Variants in RXRB observed in about 807,000 individuals in gnomAD.
RXRB encodes the protein retinoic acid receptor RXR-beta.
Under a neutral mutation model 52.5 loss-of-function variants are expected in RXRB, and 18 were observed. The observed-to-expected ratio is 0.34, with a 90% CI of 0.24 to 0.51. The LOEUF (loss-of-function observed/expected upper bound fraction) is 0.51, where lower values mean the gene tolerates loss of function less well. Among genes scored for constraint, RXRB ranks in the 20% least tolerant of loss-of-function variants. The pLI is 0.97. For synonymous variants in RXRB, 233 were observed against 267.1 expected (o/e 0.87, Z 1.25); for missense variants, 455 against 698.2 (o/e 0.65, Z 3.92).
In RXRB at chr6:33,200,248, C is replaced by A; in HGVS notation, c.229G>T (p.Gly77Trp). ...EAGRDGMGDS[G>W]RDSRSPDSSS... is the part of the protein sequence containing the mutation. ...CTTCTGCTGGGGCACTCACCCCGCCCGCTGTCGCCCATCCCGTCCCGTCCA... is the reference window on the plus strand; with the variant it reads ...CTTCTGCTGGGGCACTCACCCCGCCAGCTGTCGCCCATCCCGTCCCGTCCA... Residue 77 changes from glycine to tryptophan, a missense_variant, in exon 1 of 10, where the codon GGG becomes TGG. This residue lies in a region of RXRB where 225 missense variants were observed against 258.6 expected (regional missense o/e 0.87). Transcript: ENST00000374680. The surrounding 1 kb of genome is among the most constrained non-coding windows in gnomAD (Gnocchi z 6.3). 6.2e-7 allele frequency: 1 copy of A among 1,606,324 alleles called. No individual in the cohort carries two copies. Among genetic ancestry groups the A allele is most frequent in the Non-Finnish European group, 8.5e-7 (1 of 1,177,958 alleles).
At position 33,197,623 on chromosome 6, in the gene RXRB, G is replaced by A. The variant is rs1051175374; in HGVS notation, c.820+139C>T. The A allele has an allele frequency of 2.2e-5, 17 of 778,406 alleles. No homozygotes were observed. Among genetic ancestry groups the A allele is most frequent in the Non-Finnish European group, 3.0e-5 (15 of 494,654 alleles). 48.2% of individuals were successfully genotyped at this position (778,406 alleles called of 1,614,324 possible). A position where few individuals can be genotyped will look rare whatever the true frequency, so the allele number is the denominator to read the frequency against. ...CCAGAACAGGGTAACAGGGAGGAGA[G>A]CTGCGAAGGGAGAGAGAAATCAAAT... On this transcript the variant is annotated intron_variant, in intron 4 of 9. Coordinates refer to ENST00000374680, the MANE Select transcript of RXRB (RefSeq NM_021976.5). This position sits in a 1 kb window ranked among gnomAD's most constrained non-coding sequence, Gnocchi z 4.4.
chr6:33,200,292 T>C lies in RXRB; in HGVS notation c.185A>G (p.Glu62Gly). ...CCGTCCAGCCTCCCCTGGCTCCGGCTCCGGGGTTTGTTGTTCTCCGCCTGC... is the reference window on the plus strand; with the variant it reads ...CCGTCCAGCCTCCCCTGGCTCCGGCCCCGGGGTTTGTTGTTCTCCGCCTGC... Reference protein sequence around the residue: ...AVAGGEQQTPEPEPGEAGRDG... With the variant: ...AVAGGEQQTPGPEPGEAGRDG... Residue 62 changes from glutamate (E) to glycine (G), a missense_variant, in exon 1 of 10, where the codon GAG becomes GGG. Around this residue, in one of 4 missense-constraint regions of RXRB, gnomAD observed 225 missense variants for 258.6 expected, o/e 0.87. Transcript: ENST00000374680. The surrounding 1 kb of genome is among the most constrained non-coding windows in gnomAD (Gnocchi z 6.3). 6.2e-7 allele frequency: 1 copy of C among 1,604,298 alleles called. No homozygotes were observed. Among genetic ancestry groups the C allele is most frequent in the Non-Finnish European group, 8.5e-7 (1 of 1,178,150 alleles).
At chr6:33,198,668 A>C in intron 2 of RXRB, 1 of 699,718 alleles carries the variant, frequency 1.4e-6, no homozygotes. Flanking sequence ...GAAATTGTGC[A>C]ACACAGTGAC....
intron 1 of RXRB, chr6:33,199,862 C>T: frequency 1.6e-6 from 1 of 614,002 alleles, no homozygotes; most frequent in South Asian, 1.4e-5. Context: ...TGGGGTAGAC[C>T]ATCGAGCCCC....
chr6:33,198,526 G>T, intron 2 of RXRB, 62 bp from the exon 3 acceptor site: 1 of 1,490,536 alleles, frequency 6.7e-7, no homozygotes, highest in Non-Finnish European at 9.3e-7. Context: ...TGTCACAGAA[G>T]TGATGGAAAT....
Position 33,197,709 on chromosome 6 carries a change from G to A in RXRB, c.820+53C>T. On this transcript the variant is annotated intron_variant, in intron 4 of 9. Transcript: ENST00000374680. This position sits in a 1 kb window ranked among gnomAD's most constrained non-coding sequence, Gnocchi z 4.4. ...CCAGAGAGGTACACAGTCTGAGTGG[G>A]ATAAGGGAGAAGGGCATGTGGTCTA... 1 of 1,556,392 alleles carries A rather than the reference G, an allele frequency of 6.4e-7. No homozygotes were observed. The highest frequency in any genetic ancestry group is 8.8e-7 in the Non-Finnish European group (1 of 1,132,398).
At position 33,200,500 on chromosome 6, in the gene RXRB, A is replaced by C; in HGVS notation, c.-24T>G. ...ATGATCCCTGGCTGAGAGTAGGGATACCGAAGAGGTCCCAGGGATTCCCAA... is the reference window on the plus strand; with the variant it reads ...ATGATCCCTGGCTGAGAGTAGGGATCCCGAAGAGGTCCCAGGGATTCCCAA... On this transcript the variant is annotated 5_prime_UTR_variant, in exon 1 of 10. Transcript: ENST00000374680. This position sits in a 1 kb window ranked among gnomAD's most constrained non-coding sequence, Gnocchi z 6.3. The C allele has an allele frequency of 6.4e-7, 1 of 1,573,604 alleles. No individual in the cohort carries two copies.
In RXRB at chr6:33,196,566, C is replaced by G; in HGVS notation, c.861G>C (p.Gly287=). 3.1e-6 allele frequency: 5 copies of G among 1,612,616 alleles called. No homozygotes were observed. The highest frequency in any genetic ancestry group is 4.2e-6 in the Non-Finnish European group (5 of 1,179,774). The change falls in exon 5 of 10, where the codon GGG becomes GGC. Residue 287 remains glycine (G), a synonymous_variant. Transcript: ENST00000374680. This position sits in a 1 kb window ranked among gnomAD's most constrained non-coding sequence, Gnocchi z 4.0. ...EERQRGKDKD[G]DGEGAGGAPE... is the part of the protein sequence containing the mutation. ...GGGCTCCCCCAGCCCCCTCCCCATC[C>G]CCATCCTTGTCCTTTCCCCGCTGAC...
Position 33,196,322 on chromosome 6 carries a change from G to A in RXRB, c.993+112C>T, listed in dbSNP as rs1773891116. ...TGTTTGGCAGCACCTCCAGTCCCAAGTAGTGTTAGGAAGGTTATGAGGGGA... is the reference window on the plus strand; with the variant it reads ...TGTTTGGCAGCACCTCCAGTCCCAAATAGTGTTAGGAAGGTTATGAGGGGA... On this transcript the variant is annotated intron_variant, in intron 5 of 9. Transcript: ENST00000374680. This position sits in a 1 kb window ranked among gnomAD's most constrained non-coding sequence, Gnocchi z 4.0. 1.7e-6 allele frequency: 2 copies of A among 1,171,312 alleles called. No individual in the cohort carries two copies. Among genetic ancestry groups the A allele is most frequent in the South Asian group, 1.2e-5 (1 of 82,324 alleles). The allele number at this position is 1,171,312 out of a possible 1,614,324, so 72.6% of individuals were successfully genotyped here. A position where few individuals can be genotyped will look rare whatever the true frequency, so the allele number is the denominator to read the frequency against.
At position 33,194,670 on chromosome 6, in the gene RXRB, C is replaced by T. The variant is rs777260045; in HGVS notation, c.*12G>A. On this transcript the variant is annotated 3_prime_UTR_variant, in exon 10 of 10. Transcript: ENST00000374680. This position sits in a 1 kb window ranked among gnomAD's most constrained non-coding sequence, Gnocchi z 4.1. ...TCCTCCAGTGTGAGAAGCACCACGT[C>T]TGGGTCTGAGCTCAGGCCAGTTGAT... 37 of 1,611,660 alleles carry T rather than the reference C, an allele frequency of 2.3e-5. No homozygotes were observed. The highest frequency in any genetic ancestry group is 8.5e-7 in the Non-Finnish European group (1 of 1,179,294).
Position 33,196,540 on chromosome 6 carries a change from G to T in RXRB, c.887C>A (p.Pro296His), listed in dbSNP as rs1480172612. Residue 296 changes from proline to histidine, a missense_variant, in exon 5 of 10, where the codon CCC becomes CAC. Physicochemically the swap from Pro to His is moderately conservative, Grantham distance 77. This residue lies in a region of RXRB where 100 missense variants were observed against 141.9 expected (regional missense o/e 0.70). Coordinates refer to ENST00000374680, the MANE Select transcript of RXRB (RefSeq NM_021976.5). This position sits in a 1 kb window ranked among gnomAD's most constrained non-coding sequence, Gnocchi z 4.0. Reference protein sequence around the residue: ...DGDGEGAGGAPEEMPVDRILE... With the variant: ...DGDGEGAGGAHEEMPVDRILE... ...GATCCTGTCCACAGGCATCTCCTCG[G>T]GGGCTCCCCCAGCCCCCTCCCCATC... The T allele has an allele frequency of 2.7e-5, 44 of 1,612,756 alleles. No homozygotes were observed. The highest frequency in any genetic ancestry group is 3.5e-5 in the Non-Finnish European group (41 of 1,179,920).
Position 33,200,504 on chromosome 6 carries a change from A to G in RXRB, c.-28T>C, listed in dbSNP as rs1391988855. ...TCCCTGGCTGAGAGTAGGGATACCG[A>G]AGAGGTCCCAGGGATTCCCAAGGAT... On this transcript the variant is annotated 5_prime_UTR_variant, in exon 1 of 10. Coordinates refer to ENST00000374680, the MANE Select transcript of RXRB (RefSeq NM_021976.5). The surrounding 1 kb of genome is among the most constrained non-coding windows in gnomAD (Gnocchi z 6.3). The G allele has an allele frequency of 6.4e-7, 1 of 1,568,716 alleles. No individual in the cohort carries two copies. The highest frequency in any genetic ancestry group is 8.6e-7 in the Non-Finnish European group (1 of 1,159,358).
At chr6:33,199,865 C>A in intron 1 of RXRB, 1 of 617,536 alleles carries the variant, frequency 1.6e-6, no homozygotes, top group Non-Finnish European at 3.1e-6. Context: ...GGTAGACCAT[C>A]GAGCCCCTCT....
rs370931916 is a variant in RXRB, at chr6:33,200,493, T to G, written c.-17A>C. The G allele has an allele frequency of 3.2e-6, 5 of 1,579,530 alleles. No individual in the cohort carries two copies. The highest frequency in any genetic ancestry group is 4.3e-6 in the Non-Finnish European group (5 of 1,164,924). ...CCAAGACATGATCCCTGGCTGAGAGTAGGGATACCGAAGAGGTCCCAGGGA... is the reference window on the plus strand; with the variant it reads ...CCAAGACATGATCCCTGGCTGAGAGGAGGGATACCGAAGAGGTCCCAGGGA... On this transcript the variant is annotated 5_prime_UTR_variant, in exon 1 of 10. Transcript: ENST00000374680. This position sits in a 1 kb window ranked among gnomAD's most constrained non-coding sequence, Gnocchi z 6.3.
rs576307070 is a variant in RXRB at position 33,193,883 on chromosome 6, T to TG, written c.*798_*799insC. On this transcript the variant is annotated 3_prime_UTR_variant, in exon 10 of 10. Coordinates refer to ENST00000374680, the MANE Select transcript of RXRB (RefSeq NM_021976.5). ...CTTCCCCAAGTTAGACAGGAAGAGA[T>TG]AGGGGGGGCGGCGGGAAGCTGGGAA... The TG allele has an allele frequency of 0.095, 14,471 of 151,902 alleles. 895 individuals are homozygous for TG. Among genetic ancestry groups the TG allele is most frequent in the Middle Eastern group, 0.2 (59 of 296 alleles). 9.4% of individuals were successfully genotyped at this position (151,902 alleles called of 1,614,324 possible).
In RXRB at chr6:33,199,852, T is replaced by C; in HGVS notation, c.235+390A>G. On this transcript the variant is annotated intron_variant, in intron 1 of 9. Transcript: ENST00000374680. ...CCTGTCTCGTGGGTGGGGCAGCACG[T>C]GGGGTAGACCATCGAGCCCCTCTAT... 3 of 596,694 alleles carry C rather than the reference T, an allele frequency of 5.0e-6. No individual in the cohort carries two copies. The Admixed American group carries it at 5.7e-5, about 11-fold the overall frequency. 37.0% of individuals were successfully genotyped at this position (596,694 alleles called of 1,614,324 possible).
chr6:33,198,016 C>T, intron 3 of RXRB, 75 bp from the exon 4 acceptor site: 1 of 1,495,128 alleles, frequency 6.7e-7, no homozygotes, highest in Middle Eastern at 1.7e-4. Context: ...TCCAATCTCC[C>T]CCTAGCAAAA....
rs1773857048 is a variant in RXRB at position 33,195,868 on chromosome 6, T to A, written c.1123+39A>T. 10 of 1,609,774 alleles carry A rather than the reference T, an allele frequency of 6.2e-6. No individual in the cohort carries two copies. The highest frequency in any genetic ancestry group is 8.5e-6 in the Non-Finnish European group (10 of 1,179,048). ...TAAAGATCGGGAAGTCAAAGAGGGG[T>A]CAAATGTCAAGAAGTCAAAGGGATC... On this transcript the variant is annotated intron_variant, in intron 6 of 9. Transcript: ENST00000374680. The surrounding 1 kb of genome is among the most constrained non-coding windows in gnomAD (Gnocchi z 8.6).
chr6:33,200,143 G>A lies in RXRB; in HGVS notation c.235+99C>T. 10 of 1,489,616 alleles carry A rather than the reference G, an allele frequency of 6.7e-6. No homozygotes were observed. The highest frequency in any genetic ancestry group is 1.1e-5 in the South Asian group (1 of 87,578). 92.3% of individuals were successfully genotyped at this position (1,489,616 alleles called of 1,614,324 possible). On this transcript the variant is annotated intron_variant, in intron 1 of 9. Coordinates refer to ENST00000374680, the MANE Select transcript of RXRB (RefSeq NM_021976.5). The surrounding 1 kb of genome is among the most constrained non-coding windows in gnomAD (Gnocchi z 6.3). ...GGGGACGCGTGTTTACAAACAAGGG[G>A]GCGGGAGCGCAAGGAAAAGAGCACC...
Sources: gnomAD v4.1 joint callset for allele counts on GRCh38, gnomAD v4.1.1 for gene constraint, gnomAD v4.1.1 regional missense constraint, Gnocchi (gnomAD v3.1) non-coding constraint, MANE v1.5 for transcripts, NCBI Gene and HGNC (gene_info 2026-07-23, HGNC 2026-07-21) for gene names.